The following LTBP1 variants were observed in gnomAD, a reference collection of about 807,000 sequenced individuals.
The protein encoded by LTBP1 is latent transforming growth factor beta binding protein 1, also known as latent-transforming growth factor beta-binding protein 1.
In LTBP1, 129 loss-of-function variants were observed where a neutral mutation model predicts 207.6. The ratio of observed to expected loss-of-function variants is 0.62; its 90% CI spans 0.54 to 0.72. LTBP1 has a LOEUF of 0.72. Ranked by LOEUF, LTBP1 falls within the 30% of genes least tolerant of loss-of-function variation. The pLI is 0.00. For missense variants in LTBP1, 2,281 were observed against 2,217.2 expected, an observed-to-expected ratio of 1.03 and a Z score of -0.58; for synonymous variants, 963 against 833.7, an observed-to-expected ratio of 1.16 and a Z score of -2.67.
chr2:32,962,083 G>A (rs566293941), intron 2 of LTBP1, among the ~76,000 whole-genome samples: 4 of 151,972 alleles, frequency 2.6e-5, no homozygotes, highest in Non-Finnish European at 4.4e-5. Context: ...CTTGAAAAAT[G>A]GAATGCATAA....
At chr2:33,386,798 A>G (rs1257927349) in intron 31 of LTBP1, among the ~76,000 whole-genome samples, 1 of 149,790 alleles carries the variant, frequency 6.7e-6, no homozygotes, top group Non-Finnish European at 1.5e-5. Context: ...GTGCCACTGC[A>G]TTCCAGCATG....
chr2:33,225,175 T>A (rs2091361603), intron 9 of LTBP1, among the ~76,000 whole-genome samples: 1 of 152,200 alleles, frequency 6.6e-6, no homozygotes, highest in Non-Finnish European at 1.5e-5. Flanking sequence ...GGGTATGTAG[T>A]GATGTTTTGA....
At chr2:33,055,169 T>C (rs2076931583) in intron 3 of LTBP1, among the ~76,000 whole-genome samples, 1 of 152,212 alleles carries the variant, frequency 6.6e-6, no homozygotes, top group East Asian at 1.9e-4. Flanking sequence ...GGTTTAACGA[T>C]GCCTCTAGAT....
chr2:33,172,834 C>T (rs1181585940), intron 5 of LTBP1, among the ~76,000 whole-genome samples: 3 of 152,142 alleles, frequency 2.0e-5, no homozygotes, highest in Non-Finnish European at 2.9e-5. Context: ...CAAACTAGAA[C>T]TCAGGATTAA....
At chr2:33,241,205 G>A (rs944030073) in intron 9 of LTBP1, among the ~76,000 whole-genome samples, 20 of 152,174 alleles carry the variant, frequency 1.3e-4, no homozygotes, top group African/African-American at 2.7e-4. Flanking sequence ...TGGGTTCTTC[G>A]GGCCAAAATT....
chr2:33,254,696 A>C (rs1483096924), intron 11 of LTBP1, among the ~76,000 whole-genome samples: 13 of 145,834 alleles, frequency 8.9e-5, no homozygotes, highest in African/African-American at 2.6e-4. Context: ...TGCTGCACCC[A>C]TTAACTCGTC....
intron 16 of LTBP1, 104 bp from the exon 17 acceptor site, chr2:33,274,861 G>C (rs781086809): frequency 4.6e-5 from 50 of 1,094,466 alleles, no homozygotes; most frequent in Non-Finnish European, 6.2e-5. Flanking sequence ...CAGTTATAAA[G>C]GTTGGGTGGT....
intron 19 of LTBP1, among the ~76,000 whole-genome samples, chr2:33,286,857 C>T (rs2093675562): frequency 1.3e-5 from 2 of 152,254 alleles, no homozygotes; most frequent in South Asian, 4.1e-4. Context: ...CGCATGTTCT[C>T]ACTCATAGGT....
chr2:33,146,652 GT>G (rs748865208), intron 5 of LTBP1, among the ~76,000 whole-genome samples: 5 of 152,212 alleles, frequency 3.3e-5, no homozygotes, highest in African/African-American at 4.8e-5. Flanking sequence ...AGGAAGCATG[GT>G]TGGGGAGGCC....
intron 19 of LTBP1, among the ~76,000 whole-genome samples, chr2:33,290,457 G>T (rs920751466): frequency 1.3e-5 from 2 of 152,248 alleles, no homozygotes; most frequent in African/African-American, 4.8e-5. Flanking sequence ...AACACTGAAA[G>T]TCATGGAAGG....
chr2:33,057,933 G>A (rs2077085233), intron 3 of LTBP1, among the ~76,000 whole-genome samples: 2 of 152,264 alleles, frequency 1.3e-5, no homozygotes, highest in South Asian at 2.1e-4. Flanking sequence ...CGCCAAGGCC[G>A]AGGAGACGCC....
intron 3 of LTBP1, among the ~76,000 whole-genome samples, chr2:33,097,212 G>C (rs1042814003): frequency 1.3e-5 from 2 of 152,078 alleles, no homozygotes; most frequent in South Asian, 4.1e-4. Flanking sequence ...AATTGTGTAT[G>C]TTTATCAGCT....
At chr2:33,041,948 T>TTTTG (rs2076206718) in intron 3 of LTBP1, among the ~76,000 whole-genome samples, 1 of 152,216 alleles carries the variant, frequency 6.6e-6, no homozygotes, top group Admixed American at 6.5e-5. Context: ...GACTATACCA[T>TTTTG]TTTGTTTCCT....
chr2:33,329,913 C>T (rs1457507555), intron 24 of LTBP1, among the ~76,000 whole-genome samples: 1 of 151,964 alleles, frequency 6.6e-6, no homozygotes, highest in Non-Finnish European at 1.5e-5. Flanking sequence ...TCAATTTTTA[C>T]AAAACTCTGC....
intron 3 of LTBP1, among the ~76,000 whole-genome samples, chr2:33,047,978 C>T (rs1020284336): frequency 6.6e-6 from 1 of 151,948 alleles, no homozygotes; most frequent in Non-Finnish European, 1.5e-5. Context: ...GGTAAATATT[C>T]CTCCATCCCT....
At chr2:33,336,436 C>T (rs1255309267) in intron 24 of LTBP1, among the ~76,000 whole-genome samples, 1 of 152,200 alleles carries the variant, frequency 6.6e-6, no homozygotes, top group Non-Finnish European at 1.5e-5. Flanking sequence ...TGAGGCAAGT[C>T]ACTTCCCCTT....
At chr2:33,313,700 A>G (rs949894861) in intron 23 of LTBP1, among the ~76,000 whole-genome samples, 16 of 152,224 alleles carry the variant, frequency 1.1e-4, no homozygotes, top group African/African-American at 3.9e-4. Flanking sequence ...TAACTAAAAG[A>G]ACCTTCACCA....
rs1245907859 is a variant in LTBP1 at position 33,187,047 on chromosome 2, C to A, written c.1393C>A (p.Pro465Thr). 3 of 1,614,154 alleles carry A rather than the reference C, an allele frequency of 1.9e-6. No individual in the cohort carries two copies. In the South Asian group the frequency reaches 3.3e-5, roughly 18 times the overall value. Reference sequence around the variant, plus strand: ...TGTCATCCATTCAACACATACCTTGCCTCTGACCGTGACTAGCCAGCAAGG... The same window carrying A: ...TGTCATCCATTCAACACATACCTTGACTCTGACCGTGACTAGCCAGCAAGG... ...THVIHSTHTL[P>T]LTVTSQQGVK... Residue 465 changes from proline to threonine, a missense_variant, in exon 6 of 34, where the codon CCT (proline) becomes ACT (threonine). Coordinates refer to ENST00000404816, the MANE Select transcript of LTBP1 (RefSeq NM_206943.4).
chr2:33,319,479 T>G (rs955945848), intron 24 of LTBP1, among the ~76,000 whole-genome samples: 2 of 152,080 alleles, frequency 1.3e-5, no homozygotes, highest in African/African-American at 4.8e-5. Context: ...AGAATGTGTG[T>G]GGGAGAAAAT....
Sources: gnomAD v4.1 joint callset for allele counts (sites outside exome capture counted in the v4.1 genomes callset) on GRCh38, gnomAD v4.1.1 for gene constraint, MANE v1.5 for transcripts, NCBI Gene and HGNC (gene_info 2026-07-23, HGNC 2026-07-21) for gene names.